Variants in GPC6 observed in about 807,000 individuals in gnomAD.
GPC6 encodes glypican 6.
A neutral mutation model predicts 55.2 loss-of-function variants in GPC6; 14 were observed. The observed-to-expected ratio is 0.25, with a 90% CI of 0.17 to 0.40. GPC6 has a LOEUF of 0.40. GPC6 is among the 10% of genes least tolerant of loss of function. GPC6 has a pLI of 1.00. For synonymous variants in GPC6, 278 were observed against 259.6 expected (o/e 1.07, Z -0.68); for missense variants, 641 against 708.5 (o/e 0.90, Z 1.08).
intron 1 of GPC6, among the ~76,000 whole-genome samples, chr13:93,396,694 C>A (rs73550977): frequency 0.027 from 4,096 of 152,044 alleles, 188 homozygotes; most frequent in African/African-American, 0.094. Context: ...CCTCATCTTT[C>A]TAGGTTTAAG....
At chr13:93,699,279 G>A (rs1341512192) in intron 2 of GPC6, among the ~76,000 whole-genome samples, 2 of 152,028 alleles carry the variant, frequency 1.3e-5, no homozygotes, top group Admixed American at 6.6e-5. Context: ...AGAGAAGGAA[G>A]CAAAAATATA....
chr13:93,993,119 A>G (rs1227127739), intron 3 of GPC6, among the ~76,000 whole-genome samples: 1 of 152,190 alleles, frequency 6.6e-6, no homozygotes, highest in Non-Finnish European at 1.5e-5. Flanking sequence ...TTCAAATGCT[A>G]AGTCTGAAAA....
At chr13:93,846,110 A>AAT (rs975249384) in intron 3 of GPC6, among the ~76,000 whole-genome samples, 24 of 152,144 alleles carry the variant, frequency 1.6e-4, no homozygotes, top group Non-Finnish European at 2.8e-4. Context: ...ACATCCTCGT[A>AAT]ATATATACAA....
chr13:93,880,354 G>A (rs1049089308), intron 3 of GPC6, among the ~76,000 whole-genome samples: 2 of 152,058 alleles, frequency 1.3e-5, no homozygotes, highest in African/African-American at 4.8e-5. Context: ...AGAAAATGTG[G>A]CACATATACA....
At chr13:93,616,340 T>G (rs1878721753) in intron 2 of GPC6, among the ~76,000 whole-genome samples, 1 of 152,104 alleles carries the variant, frequency 6.6e-6, no homozygotes, top group African/African-American at 2.4e-5. Context: ...AGATGAGAAA[T>G]TATGAAATTC....
At chr13:94,157,002 C>A (rs181574424) in intron 4 of GPC6, among the ~76,000 whole-genome samples, 3 of 152,096 alleles carry the variant, frequency 2.0e-5, no homozygotes, top group African/African-American at 7.2e-5. Flanking sequence ...ACCCACTATG[C>A]GCGAGGAGCT....
intron 3 of GPC6, among the ~76,000 whole-genome samples, chr13:94,011,312 G>A (rs1882237028): frequency 1.3e-5 from 2 of 152,068 alleles, no homozygotes; most frequent in South Asian, 4.1e-4. Context: ...ATCCTTCAAA[G>A]TAACCCCCTT....
chr13:94,340,390 C>T (rs1371675897), intron 6 of GPC6, among the ~76,000 whole-genome samples: 1 of 151,988 alleles, frequency 6.6e-6, no homozygotes, highest in Non-Finnish European at 1.5e-5. Context: ...AAATAAAAAA[C>T]CCAAAGGAAA....
At chr13:93,569,517 C>T (rs9589775) in intron 2 of GPC6, among the ~76,000 whole-genome samples, 4,832 of 151,748 alleles carry the variant, frequency 0.032, 251 homozygotes, top group African/African-American at 0.11. Context: ...TTTTTAAAAC[C>T]TCACTGCTCA....
chr13:93,272,363 C>G (rs1877559990), intron 1 of GPC6, among the ~76,000 whole-genome samples: 1 of 151,808 alleles, frequency 6.6e-6, no homozygotes, highest in African/African-American at 2.4e-5. Context: ...TACATTCTAA[C>G]TTGCCTTTTA....
intron 1 of GPC6, among the ~76,000 whole-genome samples, chr13:93,542,116 G>A (rs940948726): frequency 3.9e-5 from 6 of 152,178 alleles, no homozygotes; most frequent in Non-Finnish European, 8.8e-5. Context: ...TGTCCTGAAT[G>A]CTAATGCCTA....
chr13:94,170,159 C>A (rs189356018), intron 4 of GPC6, among the ~76,000 whole-genome samples: 4 of 152,150 alleles, frequency 2.6e-5, no homozygotes, highest in African/African-American at 7.2e-5. Flanking sequence ...CAGACAGGCA[C>A]GTGATCCTCA....
intron 2 of GPC6, among the ~76,000 whole-genome samples, chr13:93,633,750 A>G (rs1164314261): frequency 6.6e-6 from 1 of 152,168 alleles, no homozygotes; most frequent in Admixed American, 6.5e-5. Flanking sequence ...AGAGACTAGG[A>G]AGTGAAAGAA....
chr13:93,530,284 G>A (rs1364798017), intron 1 of GPC6, among the ~76,000 whole-genome samples: 1 of 152,182 alleles, frequency 6.6e-6, no homozygotes, highest in African/African-American at 2.4e-5. Flanking sequence ...GTGACAGGTG[G>A]TGATTTTAAG....
chr13:93,553,453 G>A (rs1875271600), intron 2 of GPC6, among the ~76,000 whole-genome samples: 1 of 151,862 alleles, frequency 6.6e-6, no homozygotes, highest in Non-Finnish European at 1.5e-5. Context: ...AGCACTTTAG[G>A]AGGCCGAGGC....
intron 2 of GPC6, among the ~76,000 whole-genome samples, chr13:93,760,464 G>A (rs552172263): frequency 2.8e-4 from 42 of 152,248 alleles, no homozygotes; most frequent in African/African-American, 8.4e-4. Context: ...TCACCTTCTG[G>A]GAGCCTGGCT....
intron 4 of GPC6, among the ~76,000 whole-genome samples, chr13:94,085,321 C>CAAAAAAAAAAAAAA (rs33967804): frequency 1.1e-5 from 1 of 87,050 alleles, no homozygotes. Context: ...GATTCTGTCT[C>CAAAAAAAAAAAAAA]AAAAAAAAAA....
At chr13:94,263,829 T>A (rs1028183545) in intron 4 of GPC6, among the ~76,000 whole-genome samples, 23 of 152,178 alleles carry the variant, frequency 1.5e-4, no homozygotes, top group Non-Finnish European at 3.2e-4. Flanking sequence ...AGCAAGCTTT[T>A]AAAAAATGCA....
intron 7 of GPC6, among the ~76,000 whole-genome samples, chr13:94,395,389 G>A (rs1463733754): frequency 6.6e-6 from 1 of 152,176 alleles, no homozygotes; most frequent in Non-Finnish European, 1.5e-5. Flanking sequence ...AAGCTTCATG[G>A]AAAAGAATTT....
Sources: gnomAD v4.1 joint callset for allele counts (sites outside exome capture counted in the v4.1 genomes callset) on GRCh38, gnomAD v4.1.1 for gene constraint, MANE v1.5 for transcripts, NCBI Gene and HGNC (gene_info 2026-07-23, HGNC 2026-07-21) for gene names.